The following KLHL4 variants were observed in gnomAD, a reference collection of about 807,000 sequenced individuals.
KLHL4 encodes the protein kelch like family member 4, also known as kelch-like protein 4.
KLHL4 carries 17 observed loss-of-function variants against 45.8 expected under a neutral mutation model. The ratio of observed to expected loss-of-function variants is 0.37; its 90% confidence interval spans 0.25 to 0.56. The LOEUF (loss-of-function observed/expected upper bound fraction) is 0.56, where lower values mean the gene tolerates loss of function less well. Ranked by LOEUF, KLHL4 falls within the 20% of genes least tolerant of loss-of-function variation. KLHL4 has a pLI of 0.79. For synonymous variants in KLHL4, 224 were observed against 189.9 expected, an observed-to-expected ratio of 1.18 and a Z score of -1.47; for missense variants, 544 against 544.9, an observed-to-expected ratio of 1.00 and a Z score of 0.02.
chrX:87,573,350 T>C (rs1461278972), intron 1 of KLHL4, among the ~76,000 whole-genome samples: 1 of 110,880 alleles, frequency 9.0e-6, no homozygotes, highest in Non-Finnish European at 1.9e-5. Flanking sequence ...ATATAGACAA[T>C]GAGATTAAGA....
chrX:87,555,504 A>G (rs112371158), intron 1 of KLHL4, among the ~76,000 whole-genome samples: 48,478 of 105,389 alleles, frequency 0.46, 8,823 homozygotes, highest in East Asian at 0.74. Flanking sequence ...GTTTATTTGC[A>G]TAGAGGTGTT....
chrX:87,612,646 A>G (rs1052871037), intron 1 of KLHL4, among the ~76,000 whole-genome samples: 6 of 111,956 alleles, frequency 5.4e-5, no homozygotes, highest in Non-Finnish European at 7.5e-5. Context: ...TTACGCTATA[A>G]TCACATGTGG....
chrX:87,600,470 G>C (rs1347298822), intron 1 of KLHL4, among the ~76,000 whole-genome samples: 1 of 85,432 alleles, frequency 1.2e-5, no homozygotes, highest in Non-Finnish European at 2.2e-5. Flanking sequence ...GCGACAGAAC[G>C]AGACTTCGTC....
rs1411576438 is a variant in KLHL4 at position 87,618,106 on chromosome X, A to G, written c.902A>G (p.Asn301Ser). 8.3e-7 allele frequency: 1 copy of G among 1,202,897 alleles called. No homozygotes were observed. The highest frequency in any genetic ancestry group is 1.1e-6 in the Non-Finnish European group (1 of 890,461). Residue 301 changes from asparagine (N) to serine (S), a missense_variant, in exon 4 of 11, where the codon AAC becomes AGC. Physicochemically the swap from Asn to Ser is conservative, Grantham distance 46. Transcript: ENST00000373119. Reference sequence around the variant, plus strand: ...GCCCAAGGCTGTACAGAACTTCTGAACGTGGCACACAAATACACTATGGTA... The same window carrying G: ...GCCCAAGGCTGTACAGAACTTCTGAGCGTGGCACACAAATACACTATGGTA... ...GDAQGCTELL[N>S]VAHKYTMEHF...
At chrX:87,532,562 A>G (rs1231314516) in intron 1 of KLHL4, among the ~76,000 whole-genome samples, 2 of 103,991 alleles carry the variant, frequency 1.9e-5, no homozygotes, top group African/African-American at 3.5e-5. Context: ...CTTCCTACCC[A>G]TGAGCATGGA....
chrX:87,667,852 G>A lies in KLHL4; in HGVS notation c.*1318G>A. 4.5e-6 allele frequency: 3 copies of A among 672,677 alleles called. No individual in the cohort carries two copies. The highest frequency in any genetic ancestry group is 5.3e-6 in the Non-Finnish European group (3 of 565,093). 55.4% of individuals were successfully genotyped at this position (672,677 alleles called of 1,213,427 possible). ...TATAAAATATACTACTAGCTTTTAA[G>A]TTTTAAGAAAGAAGAACGTAAGTTG... is the stretch of plus-strand genomic sequence containing the variant. On this transcript the variant is annotated 3_prime_UTR_variant, in exon 11 of 11. Transcript: ENST00000373119.
intron 1 of KLHL4, among the ~76,000 whole-genome samples, chrX:87,521,184 T>A (rs1930992740): frequency 1.8e-5 from 2 of 111,753 alleles, no homozygotes; most frequent in African/African-American, 6.5e-5. Flanking sequence ...GATATGTGAC[T>A]TTAAATATTT....
chrX:87,577,755 G>A (rs1459408201), intron 1 of KLHL4, among the ~76,000 whole-genome samples: 1 of 111,451 alleles, frequency 9.0e-6, no homozygotes, highest in Non-Finnish European at 1.9e-5. Context: ...AATAACTCCA[G>A]TGATTGTCAC....
intron 9 of KLHL4, among the ~76,000 whole-genome samples, chrX:87,645,914 G>A (rs979144260): frequency 7.2e-5 from 8 of 110,807 alleles, no homozygotes; most frequent in Admixed American, 6.7e-4. Flanking sequence ...AAGAGTAGGA[G>A]GTAGCCAGGG....
In KLHL4 at chrX:87,669,615, G is replaced by A. The variant is rs1924499126; in HGVS notation, c.*3081G>A. The stretch of plus-strand genomic sequence containing the variant: ...TCTAGGTAAAGAAAAAAAAAAAAAG[G>A]TCATGAAACACAAATGTCCTCAACT... On this transcript the variant is annotated 3_prime_UTR_variant, in exon 11 of 11. Transcript: ENST00000373119. 9.0e-6 allele frequency: 3 copies of A among 334,134 alleles called. No individual in the cohort carries two copies. The highest frequency in any genetic ancestry group is 5.1e-6 in the Non-Finnish European group (1 of 196,794). 27.5% of individuals were successfully genotyped at this position (334,134 alleles called of 1,213,427 possible).
At position 87,525,195 on chromosome X, in the gene KLHL4, T is replaced by A. The variant is rs541468863; in HGVS notation, c.422+6880T>A. On this transcript the variant is annotated intron_variant, in intron 1 of 10. Coordinates refer to ENST00000373119, the MANE Select transcript of KLHL4 (RefSeq NM_019117.5). ...ATTCAGTGTATATCAATTTTAAGGCTGTAGCAACTAATTAAATCACAGTTG... is the reference window on the plus strand; with the variant it reads ...ATTCAGTGTATATCAATTTTAAGGCAGTAGCAACTAATTAAATCACAGTTG... 5.4e-5 allele frequency among the ~76,000 whole-genome samples: 6 copies of A among 112,120 alleles called. No homozygotes were observed. In the South Asian group the frequency reaches 1.8e-3, roughly 34 times the overall value.
At chrX:87,557,051 C>T (rs1931994820) in intron 1 of KLHL4, among the ~76,000 whole-genome samples, 1 of 111,552 alleles carries the variant, frequency 9.0e-6, no homozygotes, top group African/African-American at 3.3e-5. Context: ...TAGAAATAAC[C>T]GTGAGAAAAT....
chrX:87,667,977 CTTT>C lies in KLHL4; in HGVS notation c.*1446_*1448del, dbSNP rs1924427014. ...ATATATCAAGTACAACCTGAATGGACTTTTTGATTTTACATTTCCTATATCACT... is the reference window on the plus strand; with the variant it reads ...ATATATCAAGTACAACCTGAATGGACTTGATTTTACATTTCCTATATCACT... On this transcript the variant is annotated 3_prime_UTR_variant, in exon 11 of 11. Coordinates refer to ENST00000373119, the MANE Select transcript of KLHL4 (RefSeq NM_019117.5). 1 of 719,671 alleles carries C rather than the reference CTTT, an allele frequency of 1.4e-6. No individual in the cohort carries two copies. Among genetic ancestry groups the C allele is most frequent in the South Asian group, 7.1e-5 (1 of 14,003 alleles). 59.3% of individuals were successfully genotyped at this position (719,671 alleles called of 1,213,427 possible).
intron 1 of KLHL4, among the ~76,000 whole-genome samples, chrX:87,525,649 G>A (rs1201643680): frequency 1.8e-5 from 2 of 111,508 alleles, no homozygotes; most frequent in African/African-American, 6.5e-5. Flanking sequence ...AGGATTAAAT[G>A]AGCATCATTG....
At chrX:87,519,186 T>TA (rs1930952855) in intron 1 of KLHL4, among the ~76,000 whole-genome samples, 2 of 111,981 alleles carry the variant, frequency 1.8e-5, no homozygotes, top group Admixed American at 1.9e-4. Context: ...CAACGTGTTT[T>TA]AGACACAGTT....
At chrX:87,619,784 GTC>G (rs72220161) in intron 4 of KLHL4, among the ~76,000 whole-genome samples, 20,767 of 111,309 alleles carry the variant, frequency 0.19, 1,440 homozygotes, top group Non-Finnish European at 0.21. Flanking sequence ...TAATATTGTT[GTC>G]TCTCTTAATC....
intron 1 of KLHL4, among the ~76,000 whole-genome samples, chrX:87,564,909 A>T (rs747503032): frequency 8.9e-6 from 1 of 112,232 alleles, no homozygotes; most frequent in South Asian, 3.7e-4. Context: ...AAAACGATGT[A>T]TTAGGCCAAT....
intron 1 of KLHL4, among the ~76,000 whole-genome samples, chrX:87,602,247 A>C: frequency 9.0e-6 from 1 of 111,208 alleles, no homozygotes; most frequent in Admixed American, 9.6e-5. Flanking sequence ...CAGTAAGCTA[A>C]GTCTAATTTA....
chrX:87,626,924 G>A (rs1202421678), intron 6 of KLHL4, among the ~76,000 whole-genome samples: 1 of 111,910 alleles, frequency 8.9e-6, no homozygotes, highest in African/African-American at 3.2e-5. Flanking sequence ...AAGAAGAGGA[G>A]TGGGTGGAAT....
Sources: gnomAD v4.1 joint callset for allele counts (sites outside exome capture counted in the v4.1 genomes callset) on GRCh38, gnomAD v4.1.1 for gene constraint, MANE v1.5 for transcripts, NCBI Gene and HGNC (gene_info 2026-07-23, HGNC 2026-07-21) for gene names.